CNTLN: variants seen among roughly 807,000 people sequenced by gnomAD.
CNTLN encodes the protein centlein.
Under a neutral mutation model 180.0 loss-of-function variants are expected in CNTLN, and 212 were observed. That is an observed-to-expected ratio of 1.18 (90% CI 1.05 to 1.32). The LOEUF is 1.32. Ranked by LOEUF, CNTLN falls within the 40% of genes most tolerant of loss-of-function variation. The pLI is 0.00. For missense variants in CNTLN, 2,095 were observed against 1,610.9 expected (o/e 1.30, Z -5.14); for synonymous variants, 722 against 563.1 (o/e 1.28, Z -3.99).
chr9:17,439,343 G>C (rs868437357), intron 18 of CNTLN, among the ~76,000 whole-genome samples: 1 of 152,000 alleles, frequency 6.6e-6, no homozygotes, highest in South Asian at 2.1e-4. Context: ...AAATTTCAAA[G>C]GATTTGTATC....
At chr9:17,278,568 A>T (rs1828464040) in intron 6 of CNTLN, among the ~76,000 whole-genome samples, 1 of 151,846 alleles carries the variant, frequency 6.6e-6, no homozygotes, top group Non-Finnish European at 1.5e-5. Context: ...TTTAAATGTA[A>T]TTTTTCCTTC....
intron 2 of CNTLN, among the ~76,000 whole-genome samples, chr9:17,201,773 C>CA (rs1822549055): frequency 2.0e-5 from 3 of 151,774 alleles, no homozygotes; most frequent in Admixed American, 2.0e-4. Flanking sequence ...TCAATCTTTT[C>CA]AAAAAACCAG....
chr9:17,489,632 TA>T (rs1833048884), intron 25 of CNTLN, among the ~76,000 whole-genome samples: 2 of 152,042 alleles, frequency 1.3e-5, no homozygotes, highest in South Asian at 4.1e-4. Flanking sequence ...CACCACAAAA[TA>T]AAAAGCTGTT....
At chr9:17,446,402 T>G (rs1830428952) in intron 18 of CNTLN, among the ~76,000 whole-genome samples, 1 of 152,168 alleles carries the variant, frequency 6.6e-6, no homozygotes, top group Non-Finnish European at 1.5e-5. Context: ...TTAAGAAACA[T>G]ATGTCTTTCG....
intron 5 of CNTLN, among the ~76,000 whole-genome samples, chr9:17,258,466 C>G (rs996861994): frequency 3.3e-5 from 5 of 151,268 alleles, no homozygotes; most frequent in Admixed American, 2.6e-4. Context: ...TGCGGGCTCT[C>G]TTTTGGTTCC....
intron 5 of CNTLN, among the ~76,000 whole-genome samples, chr9:17,251,208 G>C (rs1336898090): frequency 6.6e-6 from 1 of 151,896 alleles, no homozygotes; most frequent in Non-Finnish European, 1.5e-5. Context: ...TCAAGAGTTT[G>C]ATTATAATGT....
At chr9:17,193,072 A>G (rs1821892915) in intron 2 of CNTLN, among the ~76,000 whole-genome samples, 1 of 152,166 alleles carries the variant, frequency 6.6e-6, no homozygotes, top group Non-Finnish European at 1.5e-5. Context: ...CTGTAAGAAT[A>G]GTATGGGGGA....
chr9:17,253,850 G>A (rs907404889), intron 5 of CNTLN, among the ~76,000 whole-genome samples: 7 of 150,536 alleles, frequency 4.7e-5, no homozygotes, highest in African/African-American at 1.5e-4. Context: ...TTCTTGTCTA[G>A]TTTAAATTAT....
At chr9:17,336,299 G>C (rs1821031629) in intron 10 of CNTLN, among the ~76,000 whole-genome samples, 1 of 152,150 alleles carries the variant, frequency 6.6e-6, no homozygotes, top group African/African-American at 2.4e-5. Context: ...TTTATTTTAA[G>C]ATATCCAACT....
At chr9:17,388,126 A>T in intron 13 of CNTLN, 36 bp from the exon 14 acceptor site, 3 of 1,353,178 alleles carry the variant, frequency 2.2e-6, no homozygotes, top group Non-Finnish European at 3.2e-6. Context: ...TCAGCAGTAC[A>T]CGTGGTATCA....
chr9:17,426,899 AT>A (rs1478027319), intron 18 of CNTLN, among the ~76,000 whole-genome samples: 2 of 152,050 alleles, frequency 1.3e-5, no homozygotes, highest in African/African-American at 4.8e-5. Context: ...GGGTAGTAAG[AT>A]TCCTGACCTA....
intron 7 of CNTLN, chr9:17,299,721 A>G (rs1818214810): frequency 1.0e-6 from 1 of 985,038 alleles, no homozygotes; most frequent in Non-Finnish European, 1.2e-6. Context: ...CATTGCTAAA[A>G]TGATTTGAAA....
intron 6 of CNTLN, among the ~76,000 whole-genome samples, chr9:17,294,462 G>A (rs1817651856): frequency 1.3e-5 from 2 of 151,664 alleles, no homozygotes; most frequent in African/African-American, 4.8e-5. Context: ...GTGCTGATTG[G>A]TGCATCCACA....
At chr9:17,335,938 A>AAC (rs1820995972) in intron 10 of CNTLN, among the ~76,000 whole-genome samples, 2 of 151,596 alleles carry the variant, frequency 1.3e-5, no homozygotes, top group Admixed American at 1.3e-4. Context: ...AAACAAAAAC[A>AAC]AAAACAAAGT....
chr9:17,382,724 A>C (rs918106147), intron 13 of CNTLN, among the ~76,000 whole-genome samples: 1 of 152,114 alleles, frequency 6.6e-6, no homozygotes, highest in African/African-American at 2.4e-5. Context: ...TTGCTATCCA[A>C]TCTAGCATAA....
the CNTLN span, among the ~76,000 whole-genome samples, chr9:17,522,880 C>T: frequency 6.6e-6 from 1 of 151,670 alleles, no homozygotes; most frequent in Non-Finnish European, 1.5e-5. Flanking sequence ...TTCCTGTCTA[C>T]TTCTCCAAGT....
chr9:17,309,318 C>T (rs573760342), intron 8 of CNTLN, 66 bp downstream of exon 8: 698 of 1,253,866 alleles, frequency 5.6e-4, no homozygotes, highest in Non-Finnish European at 7.2e-4. Flanking sequence ...CTACAATTGA[C>T]TAAAACATAA....
intron 18 of CNTLN, among the ~76,000 whole-genome samples, chr9:17,455,159 A>G (rs1306355480): frequency 2.0e-5 from 3 of 152,204 alleles, no homozygotes; most frequent in Non-Finnish European, 4.4e-5. Context: ...ATAGAGCTCC[A>G]GTTATTTGTC....
intron 13 of CNTLN, among the ~76,000 whole-genome samples, chr9:17,368,749 G>T (rs1476565660): frequency 2.0e-5 from 3 of 152,216 alleles, no homozygotes; most frequent in Non-Finnish European, 2.9e-5. Context: ...GACTGCCCAG[G>T]CAGTAGTTCT....
Sources: allele counts gnomAD v4.1 joint callset (sites outside exome capture counted in the v4.1 genomes callset), GRCh38; gene constraint gnomAD v4.1.1; transcripts MANE v1.5; gene names NCBI Gene and HGNC (gene_info 2026-07-23, HGNC 2026-07-21).